Variants in CMSS1 observed in about 807,000 individuals in gnomAD.
CMSS1 encodes the protein cms1 ribosomal small subunit homolog.
A neutral mutation model predicts 43.5 loss-of-function variants in CMSS1; 33 were observed. That is an observed-to-expected ratio of 0.76 (90% CI 0.57 to 1.01). The LOEUF is 1.01. Among genes scored for constraint, CMSS1 ranks in the 50% least tolerant of loss-of-function variants. CMSS1 has a pLI of 0.00. For missense variants in CMSS1, 313 were observed against 326.4 expected, an observed-to-expected ratio of 0.96 and a Z score of 0.32; for synonymous variants, 115 against 117.2, an observed-to-expected ratio of 0.98 and a Z score of 0.12.
At chr3:99,890,695 T>C (rs1367446919) in intron 1 of CMSS1, among the ~76,000 whole-genome samples, 1 of 152,116 alleles carries the variant, frequency 6.6e-6, no homozygotes, top group African/African-American at 2.4e-5. Context: ...TTCTATAGTC[T>C]TTTACTTTTT....
intron 1 of CMSS1, among the ~76,000 whole-genome samples, chr3:99,955,216 C>T (rs1001962496): frequency 3.9e-5 from 6 of 152,156 alleles, no homozygotes; most frequent in African/African-American, 9.7e-5. Flanking sequence ...CTCAAGTCTT[C>T]TCTGTAGTAA....
chr3:99,906,795 A>G (rs1235413264), intron 1 of CMSS1, among the ~76,000 whole-genome samples: 2 of 152,140 alleles, frequency 1.3e-5, no homozygotes, highest in African/African-American at 2.4e-5. Context: ...CTATAAGTAG[A>G]AGAGATGGTC....
intron 1 of CMSS1, among the ~76,000 whole-genome samples, chr3:99,992,295 TAA>T (rs1158816761): frequency 6.6e-6 from 1 of 152,056 alleles, no homozygotes; most frequent in African/African-American, 2.4e-5. Flanking sequence ...CAACAGTATA[TAA>T]GTGTTTCCTT....
rs143177905 is a variant in CMSS1 at position 100,100,774 on chromosome 3, C to T, written c.65-46199C>T. Among the ~76,000 whole-genome samples the T allele has an allele frequency of 3.7e-3, 565 of 152,078 alleles. 2 individuals are homozygous for T. The highest frequency in any genetic ancestry group is 5.9e-3 in the Non-Finnish European group (398 of 68,022). On this transcript the variant is annotated intron_variant, in intron 1 of 9. Coordinates refer to ENST00000421999, the MANE Select transcript of CMSS1 (RefSeq NM_032359.4). The stretch of plus-strand genomic sequence containing the variant: ...AGATATCTGGTGGAGTGTGAGACCT[C>T]GCAAGGTTAGTATCGCCTTGCTGCA...
At chr3:100,122,346 C>T (rs989796197) in intron 1 of CMSS1, among the ~76,000 whole-genome samples, 6 of 152,196 alleles carry the variant, frequency 3.9e-5, no homozygotes, top group Non-Finnish European at 5.9e-5. Flanking sequence ...AGACAGGACA[C>T]AGTGTGAAGA....
At chr3:100,092,097 A>G (rs1246007949) in intron 1 of CMSS1, among the ~76,000 whole-genome samples, 1 of 152,184 alleles carries the variant, frequency 6.6e-6, no homozygotes, top group Non-Finnish European at 1.5e-5. Context: ...TTAAAAATGT[A>G]CTCTGTAAAG....
rs181999669 is a variant in CMSS1, at chr3:100,036,637, A to G, written c.65-110336A>G. 7.5e-4 allele frequency among the ~76,000 whole-genome samples: 115 copies of G among 152,366 alleles called. 1 individual carries two copies. The highest frequency in any genetic ancestry group is 1.2e-3 in the East Asian group (6 of 5,194). On this transcript the variant is annotated intron_variant, in intron 1 of 9. Transcript: ENST00000421999. ...ACCATTTTGCAGCCATCATAGTTGC[A>G]AATAGTTAAGAAGTATCAATGGCTG...
chr3:100,169,583 C>T (rs1337737741), intron 6 of CMSS1, among the ~76,000 whole-genome samples: 2 of 152,218 alleles, frequency 1.3e-5, no homozygotes, highest in Non-Finnish European at 2.9e-5. Flanking sequence ...CCTTCAAACC[C>T]TCCTTTCTCC....
chr3:99,987,841 G>A (rs1709390865), intron 1 of CMSS1, among the ~76,000 whole-genome samples: 1 of 152,184 alleles, frequency 6.6e-6, no homozygotes, highest in South Asian at 2.1e-4. Flanking sequence ...TAACATTCTA[G>A]CAGTAAACAT....
At chr3:100,174,045 A>G (rs144819942) in intron 8 of CMSS1, among the ~76,000 whole-genome samples, 98 of 152,336 alleles carry the variant, frequency 6.4e-4, no homozygotes, top group African/African-American at 2.2e-3. Context: ...AAAGAGACCA[A>G]CTTTCTTGCT....
intron 1 of CMSS1, among the ~76,000 whole-genome samples, chr3:99,943,677 C>A (rs1707920058): frequency 6.6e-6 from 1 of 151,852 alleles, no homozygotes. Context: ...GCACTCCAGC[C>A]TGGGCAACAG....
intron 1 of CMSS1, among the ~76,000 whole-genome samples, chr3:99,944,731 T>C (rs1707957022): frequency 1.3e-5 from 2 of 152,200 alleles, no homozygotes; most frequent in African/African-American, 4.8e-5. Context: ...TCCTTCTCTT[T>C]AGGAAGAATT....
intron 2 of CMSS1, among the ~76,000 whole-genome samples, chr3:100,151,791 C>G (rs1427702970): frequency 6.6e-6 from 1 of 152,182 alleles, no homozygotes; most frequent in Non-Finnish European, 1.5e-5. Flanking sequence ...GCAGAATATA[C>G]TCACCCCTCC....
intron 1 of CMSS1, chr3:99,876,114 C>T (rs547301742): frequency 4.1e-6 from 4 of 986,516 alleles, no homozygotes; most frequent in Non-Finnish European, 4.8e-6. Context: ...CGGGCCGGGG[C>T]CGCTGTAGTG....
chr3:99,839,770 C>T (rs549255370), intron 1 of CMSS1, among the ~76,000 whole-genome samples: 33 of 152,268 alleles, frequency 2.2e-4, no homozygotes, highest in African/African-American at 6.7e-4. Flanking sequence ...TAAGTGGAAA[C>T]AATTATGCAA....
chr3:99,844,180 C>G (rs917540261), intron 1 of CMSS1, among the ~76,000 whole-genome samples: 1 of 152,148 alleles, frequency 6.6e-6, no homozygotes, highest in Non-Finnish European at 1.5e-5. Flanking sequence ...AGAAAAAGAT[C>G]AAAATTTGAA....
intron 1 of CMSS1, among the ~76,000 whole-genome samples, chr3:100,118,141 G>C (rs1345700234): frequency 6.6e-6 from 1 of 151,352 alleles, no homozygotes; most frequent in African/African-American, 2.4e-5. Context: ...GGGATGATGG[G>C]AAAATTCTGG....
At chr3:99,818,357 C>T (rs929463733) in intron 1 of CMSS1, among the ~76,000 whole-genome samples, 2 of 152,134 alleles carry the variant, frequency 1.3e-5, no homozygotes, top group African/African-American at 4.8e-5. Flanking sequence ...TTAAGGGTGA[C>T]CCATGAACTG....
At chr3:100,162,221 A>C (rs566742308) in intron 3 of CMSS1, 82 bp from the exon 4 acceptor site, 36 of 1,243,048 alleles carry the variant, frequency 2.9e-5, no homozygotes, top group Non-Finnish European at 4.1e-5. Context: ...TGTGCCGTTT[A>C]AATGCCAGAG....
Sources: gnomAD v4.1 joint callset for allele counts (sites outside exome capture counted in the v4.1 genomes callset) on GRCh38, gnomAD v4.1.1 for gene constraint, MANE v1.5 for transcripts, NCBI Gene and HGNC (gene_info 2026-07-23, HGNC 2026-07-21) for gene names.